The following RNF19A variants were observed in gnomAD, a reference collection of about 807,000 sequenced individuals.
RNF19A encodes the protein E3 ubiquitin-protein ligase RNF19A.
Under a neutral mutation model 75.7 loss-of-function variants are expected in RNF19A, and 32 were observed. The ratio of observed to expected loss-of-function variants is 0.42; its 90% CI spans 0.32 to 0.57. RNF19A has a LOEUF of 0.57. Among genes scored for constraint, RNF19A ranks in the 20% least tolerant of loss-of-function variants. RNF19A has a pLI of 0.10. For missense variants in RNF19A, 782 were observed against 1,036.3 expected, an observed-to-expected ratio of 0.75 and a Z score of 3.37; for synonymous variants, 335 against 345.2, an observed-to-expected ratio of 0.97 and a Z score of 0.33.
intron 1 of RNF19A, among the ~76,000 whole-genome samples, chr8:100,327,554 A>G (rs565217850): frequency 7.0e-4 from 106 of 152,206 alleles, no homozygotes; most frequent in African/African-American, 2.5e-3. Context: ...CCTGGCCACA[A>G]TTACTTCTTA....
chr8:100,273,671 C>T (rs1201983103), intron 3 of RNF19A, among the ~76,000 whole-genome samples: 1 of 152,132 alleles, frequency 6.6e-6, no homozygotes. Flanking sequence ...TAGAAAGTGA[C>T]TGTGGTTTCT....
intron 2 of RNF19A, among the ~76,000 whole-genome samples, chr8:100,286,199 C>T (rs1187457019): frequency 2.0e-5 from 3 of 152,142 alleles, no homozygotes; most frequent in Non-Finnish European, 2.9e-5. Context: ...ATTCATTATT[C>T]CTATTTTCTT....
chr8:100,283,734 A>C (rs1820889891), intron 2 of RNF19A, among the ~76,000 whole-genome samples: 3 of 152,206 alleles, frequency 2.0e-5, no homozygotes, highest in Non-Finnish European at 4.4e-5. Flanking sequence ...CATACCTATA[A>C]ATAACAAATG....
chr8:100,320,095 C>CA (rs1314704384), intron 1 of RNF19A, among the ~76,000 whole-genome samples: 3 of 152,196 alleles, frequency 2.0e-5, no homozygotes, highest in Admixed American at 6.5e-5. Context: ...CTCAGCCTCC[C>CA]AAAGTGCTGG....
intron 1 of RNF19A, among the ~76,000 whole-genome samples, chr8:100,321,087 A>G (rs1278779786): frequency 6.6e-6 from 1 of 152,202 alleles, no homozygotes; most frequent in Non-Finnish European, 1.5e-5. Flanking sequence ...GCTGAGAGTT[A>G]GGGTAGCTGT....
In RNF19A at chr8:100,322,885, G is replaced by A. The variant is rs1291306741; in HGVS notation, c.-242-9513C>T. Among the ~76,000 whole-genome samples the A allele has an allele frequency of 6.6e-6, 1 of 152,162 alleles. No homozygotes were observed. Among genetic ancestry groups the A allele is most frequent in the Non-Finnish European group, 1.5e-5 (1 of 68,032 alleles). On this transcript the variant is annotated intron_variant, in intron 1 of 3. Transcript: ENST00000519527. The surrounding 1 kb of genome is among the most constrained non-coding windows in gnomAD (Gnocchi z 5.1). ...ATTAAGTTCACTGTCTTCAGTGGGAGTGGTTCATGGCACTTCAAAACAATT... is the reference window on the plus strand; with the variant it reads ...ATTAAGTTCACTGTCTTCAGTGGGAATGGTTCATGGCACTTCAAAACAATT...
At chr8:100,270,854 T>C (rs768342419) in intron 3 of RNF19A, among the ~76,000 whole-genome samples, 4 of 152,146 alleles carry the variant, frequency 2.6e-5, no homozygotes, top group Non-Finnish European at 4.4e-5. Flanking sequence ...CAATGCACAA[T>C]GGCGTCAAGT....
intron 1 of RNF19A, among the ~76,000 whole-genome samples, chr8:100,328,137 A>G (rs567224023): frequency 1.3e-5 from 2 of 152,208 alleles, no homozygotes; most frequent in East Asian, 1.9e-4. Flanking sequence ...CACTCCTCAC[A>G]CAATGCACCT....
intron 2 of RNF19A, among the ~76,000 whole-genome samples, chr8:100,276,055 T>C (rs1820494353): frequency 2.0e-5 from 3 of 152,228 alleles, no homozygotes; most frequent in Admixed American, 1.3e-4. Flanking sequence ...TTAATATTTC[T>C]GACACTTTAA....
chr8:100,258,799 GTT>G lies in RNF19A; in HGVS notation c.2272_2273del (p.Asn758HisfsTer4). The G allele has an allele frequency of 6.2e-7, 1 of 1,614,194 alleles. No homozygotes were observed. The highest frequency in any genetic ancestry group is 2.2e-5 in the East Asian group (1 of 44,882). ...SDYHTRFATV[N>X]ILPEVENDRL... is the part of the protein sequence containing the mutation. ...GGTCATTTTCTACCTCAGGAAGAAT[GTT>G]AACAGTAGCAAAGCGGGTGTGATAA... On this transcript the variant is annotated frameshift_variant, in exon 10 of 10. Transcript: ENST00000341084. LOFTEE classifies it high-confidence loss of function. This position sits in a 1 kb window ranked among gnomAD's most constrained non-coding sequence, Gnocchi z 4.3.
At chr8:100,296,767 T>C (rs1349184168) in intron 1 of RNF19A, among the ~76,000 whole-genome samples, 1 of 152,076 alleles carries the variant, frequency 6.6e-6, no homozygotes, top group Non-Finnish European at 1.5e-5. Context: ...TAGTACAGCA[T>C]TCACAGCTGT....
Position 100,323,328 on chromosome 8 carries a change from C to G in RNF19A, c.-242-9956G>C, listed in dbSNP as rs182242141. Among the ~76,000 whole-genome samples the G allele has an allele frequency of 1.3e-5, 2 of 152,196 alleles. No homozygotes were observed. The highest frequency in any genetic ancestry group is 4.8e-5 in the African/African-American group (2 of 41,520). ...TTGGAAGTTTTATCTGAATATTTTC[C>G]TTTTCCTTTCACATTGTATTTAATT... is the stretch of plus-strand genomic sequence containing the variant. On this transcript the variant is annotated intron_variant, in intron 1 of 3. Coordinates refer to the RNF19A transcript ENST00000519527. This position sits in a 1 kb window ranked among gnomAD's most constrained non-coding sequence, Gnocchi z 4.6.
In RNF19A at chr8:100,324,913, T is replaced by C. The variant is rs1822512493; in HGVS notation, c.-243+11195A>G. Among the ~76,000 whole-genome samples the C allele has an allele frequency of 6.6e-6, 1 of 151,490 alleles. No homozygotes were observed. Among genetic ancestry groups the C allele is most frequent in the African/African-American group, 2.4e-5 (1 of 41,158 alleles). ...TCTCTCTCTCTCTTTCTCTCTTTCT[T>C]TCTTTCTTTTCTTGATAGAGTCTCA... is the stretch of plus-strand genomic sequence containing the variant. On this transcript the variant is annotated intron_variant, in intron 1 of 3. Transcript: ENST00000519527. This position sits in a 1 kb window ranked among gnomAD's most constrained non-coding sequence, Gnocchi z 4.2.
rs1165746345 is a variant in RNF19A, at chr8:100,268,765, A to T, written c.1191+20T>A. 1 of 1,511,480 alleles carries T rather than the reference A, an allele frequency of 6.6e-7. No individual in the cohort carries two copies. Among genetic ancestry groups the T allele is most frequent in the Non-Finnish European group, 8.9e-7 (1 of 1,117,534 alleles). 93.6% of individuals were successfully genotyped at this position (1,511,480 alleles called of 1,614,324 possible). Reference sequence around the variant, plus strand: ...AGATTTAGAATAAGATAATGGACTAACAAGAAGTATGCATTTTACCTTGCG... The same window carrying T: ...AGATTTAGAATAAGATAATGGACTATCAAGAAGTATGCATTTTACCTTGCG... On this transcript the variant is annotated intron_variant, in intron 5 of 9. Transcript: ENST00000341084.
upstream of RNF19A, among the ~76,000 whole-genome samples, chr8:100,313,725 A>G (rs777070551): frequency 1.4e-4 from 22 of 152,146 alleles, no homozygotes; most frequent in Non-Finnish European, 3.1e-4. Context: ...GGAAGTAGGG[A>G]GACCAGTTAA....
chr8:100,310,166 C>T, upstream of RNF19A: 1 of 985,396 alleles, frequency 1.0e-6, no homozygotes, highest in African/African-American at 1.7e-5. Flanking sequence ...CGCCCCCGGC[C>T]GCCCCGCCCC....
Position 100,267,410 on chromosome 8 carries a change from C to CCCA in RNF19A, c.1191+1372_1191+1374dup, listed in dbSNP as rs796423888. Among the ~76,000 whole-genome samples the CCCA allele has an allele frequency of 2.6e-5, 4 of 152,248 alleles. No homozygotes were observed. In the South Asian group the frequency reaches 8.3e-4, roughly 32 times the overall value. On this transcript the variant is annotated intron_variant, in intron 5 of 9. Coordinates refer to ENST00000341084, the MANE Select transcript of RNF19A (RefSeq NM_183419.4). ...TTAGAGATAGGATCTTGCTCTATCA[C>CCCA]CCAGGCTGGAGTGAAGTGGCACAAT...
Position 100,330,983 on chromosome 8 carries a change from C to T in RNF19A, c.-243+5125G>A, listed in dbSNP as rs1196962578. Among the ~76,000 whole-genome samples, 2 of 152,248 alleles carry T rather than the reference C, an allele frequency of 1.3e-5. No individual in the cohort carries two copies. Among genetic ancestry groups the T allele is most frequent in the Non-Finnish European group, 2.9e-5 (2 of 68,054 alleles). On this transcript the variant is annotated intron_variant, in intron 1 of 3. Coordinates refer to the RNF19A transcript ENST00000519527. This position sits in a 1 kb window ranked among gnomAD's most constrained non-coding sequence, Gnocchi z 4.1. The stretch of plus-strand genomic sequence containing the variant: ...ATTTTTGCAGGGAATCTTCTTTTCA[C>T]TTCTAAATGCTTTTTGTTTCTGAGT...
intron 5 of RNF19A, among the ~76,000 whole-genome samples, chr8:100,268,067 T>C (rs1009653236): frequency 6.6e-6 from 1 of 151,952 alleles, no homozygotes; most frequent in African/African-American, 2.4e-5. Context: ...AAAAAAGTTT[T>C]AATTTTTTTG....
Sources: allele counts gnomAD v4.1 joint callset (sites outside exome capture counted in the v4.1 genomes callset), GRCh38; gene constraint gnomAD v4.1.1; non-coding constraint Gnocchi (gnomAD v3.1); transcripts MANE v1.5; gene names NCBI Gene and HGNC (gene_info 2026-07-23, HGNC 2026-07-21).